Variants in ST3GAL3 observed in about 807,000 individuals in gnomAD.
ST3GAL3 encodes the protein ST3 beta-galactoside alpha-2,3-sialyltransferase 3.
A neutral mutation model predicts 50.1 loss-of-function variants in ST3GAL3; 21 were observed. That is an observed-to-expected ratio of 0.42 (90% CI 0.30 to 0.60). ST3GAL3 has a LOEUF of 0.60. Ranked by LOEUF, ST3GAL3 falls within the 20% of genes least tolerant of loss-of-function variation. The pLI is 0.19. For synonymous variants in ST3GAL3, 183 were observed against 190.0 expected (o/e 0.96, Z 0.30); for missense variants, 353 against 489.4 (o/e 0.72, Z 2.63).
At chr1:43,715,148 G>T (rs996059269) in intron 1 of ST3GAL3, among the ~76,000 whole-genome samples, 1 of 151,930 alleles carries the variant, frequency 6.6e-6, no homozygotes, top group Non-Finnish European at 1.5e-5. Flanking sequence ...TGTAGCAGTT[G>T]TTCTCTTTGG....
chr1:43,722,754 T>G (rs1160139764), intron 1 of ST3GAL3, among the ~76,000 whole-genome samples: 2 of 152,128 alleles, frequency 1.3e-5, no homozygotes, highest in African/African-American at 4.8e-5. Flanking sequence ...GAAGCATCTG[T>G]GAAAGGGTTG....
intron 2 of ST3GAL3, among the ~76,000 whole-genome samples, chr1:43,758,895 G>C (rs922717201): frequency 6.6e-6 from 1 of 151,874 alleles, no homozygotes; most frequent in African/African-American, 2.4e-5. Context: ...TTAAAAATCA[G>C]GCAGGCGTGG....
intron 9 of ST3GAL3, among the ~76,000 whole-genome samples, chr1:43,906,854 G>A (rs2079861783): frequency 6.6e-6 from 1 of 152,202 alleles, no homozygotes; most frequent in South Asian, 2.1e-4. Flanking sequence ...CCATCCTAGA[G>A]ATTAAGAAAC....
At chr1:43,815,763 G>T (rs1404496443) in intron 4 of ST3GAL3, among the ~76,000 whole-genome samples, 2 of 152,178 alleles carry the variant, frequency 1.3e-5, no homozygotes, top group South Asian at 4.1e-4. Flanking sequence ...ATAGAGGACT[G>T]TCAAGTATTG....
intron 5 of ST3GAL3, among the ~76,000 whole-genome samples, chr1:43,867,600 G>A (rs930732233): frequency 7.6e-5 from 7 of 92,428 alleles, no homozygotes; most frequent in African/African-American, 2.7e-4. Flanking sequence ...TGTTAACTGG[G>A]TCCCAAATTG....
chr1:43,815,477 A>G (rs940292978), intron 4 of ST3GAL3, among the ~76,000 whole-genome samples: 8 of 152,136 alleles, frequency 5.3e-5, no homozygotes, highest in African/African-American at 1.9e-4. Context: ...CCCCACACAA[A>G]GTTGTCTCTT....
chr1:43,833,205 A>G (rs2063780176), intron 4 of ST3GAL3, among the ~76,000 whole-genome samples: 1 of 152,154 alleles, frequency 6.6e-6, no homozygotes, highest in South Asian at 2.1e-4. Flanking sequence ...TTCCCTGGCC[A>G]TCACCCCACT....
chr1:43,918,813 T>C (rs1159598591), intron 9 of ST3GAL3, among the ~76,000 whole-genome samples: 1 of 152,082 alleles, frequency 6.6e-6, no homozygotes, highest in Non-Finnish European at 1.5e-5. Flanking sequence ...AGCCTTCCCA[T>C]CCAGGAATAT....
intron 3 of ST3GAL3, among the ~76,000 whole-genome samples, chr1:43,794,949 TG>T (rs1016057887): frequency 6.6e-6 from 1 of 151,948 alleles, no homozygotes; most frequent in African/African-American, 2.4e-5. Flanking sequence ...AATAGCTAGA[TG>T]GTGGTGTTCA....
intron 5 of ST3GAL3, among the ~76,000 whole-genome samples, chr1:43,873,256 T>C (rs532061287): frequency 7.4e-4 from 113 of 152,246 alleles, no homozygotes; most frequent in Non-Finnish European, 1.3e-3. Context: ...GTTCAGGGTA[T>C]ATTCTGAAGG....
At chr1:43,805,269 C>T (rs1249451722) in intron 3 of ST3GAL3, among the ~76,000 whole-genome samples, 4 of 152,156 alleles carry the variant, frequency 2.6e-5, no homozygotes, top group African/African-American at 7.2e-5. Context: ...TTTTCTCCCT[C>T]GTGTCGCTGA....
chr1:43,810,051 C>G (rs2060371560), intron 3 of ST3GAL3, among the ~76,000 whole-genome samples: 1 of 148,324 alleles, frequency 6.7e-6, no homozygotes, highest in African/African-American at 2.5e-5. Flanking sequence ...TGAAACATTA[C>G]TGGGGAAAAA....
intron 3 of ST3GAL3, among the ~76,000 whole-genome samples, chr1:43,805,580 A>G (rs2059777136): frequency 1.3e-5 from 2 of 152,188 alleles, no homozygotes; most frequent in Admixed American, 6.5e-5. Context: ...TAGGTGATGC[A>G]CCTGTGAGGA....
At chr1:43,746,335 C>T (rs532354151) in intron 2 of ST3GAL3, among the ~76,000 whole-genome samples, 8 of 152,086 alleles carry the variant, frequency 5.3e-5, no homozygotes, top group Middle Eastern at 3.4e-3. Context: ...CAGAGGGGAG[C>T]GGAGAGTTCA....
intron 2 of ST3GAL3, among the ~76,000 whole-genome samples, chr1:43,771,730 T>TTGTG (rs143955404): frequency 0.072 from 10,464 of 145,000 alleles, 1,032 homozygotes; most frequent in African/African-American, 0.23. Context: ...TTTAATAAAG[T>TTGTG]TGTGTGTGTG....
intron 9 of ST3GAL3, among the ~76,000 whole-genome samples, chr1:43,911,601 C>CTATAGATATCTATAGATATATCTGTAGA: frequency 6.7e-6 from 1 of 149,294 alleles, no homozygotes; most frequent in Non-Finnish European, 1.5e-5. Flanking sequence ...ATATCTGTAG[C>CTATAGATATCTATAGATATATCTGTAGA]TATAGATATC....
At chr1:43,921,348 C>G in intron 11 of ST3GAL3, 1 of 465,348 alleles carries the variant, frequency 2.1e-6, no homozygotes, top group East Asian at 3.1e-5. Context: ...TGCAGCTCTT[C>G]ATACCCCGAA....
intron 5 of ST3GAL3, among the ~76,000 whole-genome samples, chr1:43,876,066 C>T (rs1274885597): frequency 6.6e-6 from 1 of 151,780 alleles, no homozygotes; most frequent in African/African-American, 2.4e-5. Context: ...ATTCCAGGCT[C>T]AAGTGATGCT....
chr1:43,789,419 G>A (rs2057761942), intron 2 of ST3GAL3, among the ~76,000 whole-genome samples: 1 of 152,160 alleles, frequency 6.6e-6, no homozygotes, highest in Admixed American at 6.5e-5. Context: ...TGATGGTTAT[G>A]GAGCTCTGTT....
Sources: gnomAD v4.1 joint callset for allele counts (sites outside exome capture counted in the v4.1 genomes callset) on GRCh38, gnomAD v4.1.1 for gene constraint, MANE v1.5 for transcripts, NCBI Gene and HGNC (gene_info 2026-07-23, HGNC 2026-07-21) for gene names.